The following CCDC18 variants were observed in gnomAD, a reference collection of about 807,000 sequenced individuals.
CCDC18 encodes the protein coiled-coil domain containing 18.
In CCDC18, 157 loss-of-function variants were observed where a neutral mutation model predicts 196.0. That is an observed-to-expected ratio of 0.80 (90% CI 0.70 to 0.91). The LOEUF (loss-of-function observed/expected upper bound fraction) is 0.91, where lower values mean the gene tolerates loss of function less well. CCDC18 is among the 40% of genes least tolerant of loss of function. The pLI is 0.00. For missense variants in CCDC18, 1,465 were observed against 1,611.6 expected, an observed-to-expected ratio of 0.91 and a Z score of 1.56; for synonymous variants, 482 against 529.2, an observed-to-expected ratio of 0.91 and a Z score of 1.22.
chr1:93,254,259 G>A (rs889110505), intron 23 of CCDC18, among the ~76,000 whole-genome samples: 1 of 152,068 alleles, frequency 6.6e-6, no homozygotes, highest in African/African-American at 2.4e-5. Context: ...TGTTGTTGTG[G>A]GGGAATATGA....
chr1:93,219,231 G>T (rs1338620010), intron 14 of CCDC18, among the ~76,000 whole-genome samples: 2 of 152,104 alleles, frequency 1.3e-5, no homozygotes, highest in East Asian at 3.9e-4. Flanking sequence ...GTAGTTTGAG[G>T]TACAACTGCC....
intron 7 of CCDC18, 121 bp from the exon 8 acceptor site, chr1:93,205,389 A>T: frequency 1.2e-6 from 1 of 803,674 alleles, no homozygotes; most frequent in Non-Finnish European, 1.9e-6. Context: ...CTGGGGACTT[A>T]AATGTATGAA....
intron 23 of CCDC18, among the ~76,000 whole-genome samples, chr1:93,248,972 C>CA (rs71586786): frequency 0.03 from 2,835 of 95,562 alleles, 44 homozygotes; most frequent in African/African-American, 0.044. Flanking sequence ...AACCCTGTCT[C>CA]AAAAAAAAAA....
At chr1:93,241,921 A>G (rs1248584035) in intron 21 of CCDC18, among the ~76,000 whole-genome samples, 1 of 151,932 alleles carries the variant, frequency 6.6e-6, no homozygotes, top group Non-Finnish European at 1.5e-5. Context: ...GCAAGTGTAG[A>G]AAAAAAATGA....
rs568263615 is a variant in CCDC18, at chr1:93,247,212, C to T, written c.3198+258C>T. On this transcript the variant is annotated intron_variant, in intron 23 of 28. Transcript: ENST00000690025. ...AAAGCTTTGGGATTACAGGCGTGAG[C>T]GACCACACTCTGTGGATCTTTCACT... Among the ~76,000 whole-genome samples the T allele has an allele frequency of 4.6e-5, 7 of 151,898 alleles. No homozygotes were observed. In the South Asian group the frequency reaches 6.3e-4, roughly 14 times the overall value.
intron 23 of CCDC18, among the ~76,000 whole-genome samples, chr1:93,252,562 A>T (rs1264773540): frequency 6.6e-6 from 1 of 152,162 alleles, no homozygotes; most frequent in African/African-American, 2.4e-5. Flanking sequence ...CTTCCTTAAA[A>T]TACCTATTTT....
At chr1:93,264,565 G>C in intron 26 of CCDC18, 136 bp from the exon 27 acceptor site, 1 of 553,160 alleles carries the variant, frequency 1.8e-6, no homozygotes, top group Non-Finnish European at 3.2e-6. Flanking sequence ...TGAGAAATCA[G>C]ATGTTTGTAA....
At chr1:93,258,972 T>A in intron 26 of CCDC18, 87 bp downstream of exon 26, 1 of 1,079,504 alleles carries the variant, frequency 9.3e-7, no homozygotes, top group Non-Finnish European at 1.3e-6. Flanking sequence ...CTCTTAAGTG[T>A]TCATTATTGA....
chr1:93,235,103 G>A (rs911333330), intron 18 of CCDC18, among the ~76,000 whole-genome samples: 2 of 151,620 alleles, frequency 1.3e-5, no homozygotes, highest in African/African-American at 4.9e-5. Context: ...GGGATTATAG[G>A]TGTGAACCAC....
rs181681522 is a variant in CCDC18, at chr1:93,246,631, T to A, written c.3082-207T>A. The stretch of plus-strand genomic sequence containing the variant: ...TTGTTAAAAAAAATGCATATGGGGC[T>A]CATGAGCCAGTATTAGTAAACAATG... On this transcript the variant is annotated intron_variant, in intron 22 of 28. Coordinates refer to ENST00000690025, the MANE Select transcript of CCDC18 (RefSeq NM_001378204.1). 1.2e-4 allele frequency among the ~76,000 whole-genome samples: 18 copies of A among 152,270 alleles called. No individual in the cohort carries two copies. In the East Asian group the frequency reaches 3.1e-3, roughly 26 times the overall value.
At chr1:93,240,252 C>A (rs1341022676) in intron 21 of CCDC18, among the ~76,000 whole-genome samples, 1 of 152,196 alleles carries the variant, frequency 6.6e-6, no homozygotes, top group African/African-American at 2.4e-5. Context: ...TGATCTCACT[C>A]ATTTCCTTAC....
Position 93,242,580 on chromosome 1 carries a change from A to G in CCDC18, c.2981+2684A>G, listed in dbSNP as rs1660960749. ...TCAAAACAAATTATGCCTTCCCAAC[A>G]GTCTCTCAAAGTCTTAATTCATTTG... On this transcript the variant is annotated intron_variant, in intron 21 of 28. Transcript: ENST00000690025. 1.3e-5 allele frequency among the ~76,000 whole-genome samples: 2 copies of G among 152,222 alleles called. 1 individual carries two copies. Among genetic ancestry groups the G allele is most frequent in the Admixed American group, 1.3e-4 (2 of 15,278 alleles).
In CCDC18 at chr1:93,232,464, C is replaced by T; in HGVS notation, c.2331C>T (p.His777=). The change falls in exon 18 of 29, where the codon CAC becomes CAT. Residue 777 remains histidine (H), a synonymous_variant. Transcript: ENST00000690025. ...AGAAAGAGCTAAAGATAAAAAATCA[C>T]AGTCTTCAAGAGACTTCTGAGCAAA... is the stretch of plus-strand genomic sequence containing the variant. ...CLQKELKIKN[H]SLQETSEQNV... 1 of 1,607,264 alleles carries T rather than the reference C, an allele frequency of 6.2e-7. No homozygotes were observed. Among genetic ancestry groups the T allele is most frequent in the South Asian group, 1.1e-5 (1 of 89,932 alleles).
chr1:93,212,132 C>G lies in CCDC18; in HGVS notation c.1366C>G (p.Gln456Glu). The change falls in exon 11 of 29, where the codon CAA becomes GAA. Residue 456 changes from glutamine to glutamate, a missense_variant. By Grantham distance (29) the Gln-to-Glu change is conservative. Coordinates refer to ENST00000690025, the MANE Select transcript of CCDC18 (RefSeq NM_001378204.1). ...GCTTGCAATAAAAGAGGCAGAAATT[C>G]AAAAGCTTCATGCAAACCTGACTGC... ...IKLAIKEAEI[Q>E]KLHANLTANQ... is the part of the protein sequence containing the mutation. The G allele has an allele frequency of 6.2e-7, 1 of 1,604,466 alleles. No homozygotes were observed. Among genetic ancestry groups the G allele is most frequent in the African/African-American group, 1.3e-5 (1 of 74,494 alleles).
chr1:93,202,703 C>A (rs1654034537), intron 7 of CCDC18, among the ~76,000 whole-genome samples: 1 of 152,264 alleles, frequency 6.6e-6, no homozygotes, highest in South Asian at 2.1e-4. Context: ...ATTTATTAAA[C>A]AATCATGAAA....
chr1:93,231,341 A>G (rs930289873), intron 17 of CCDC18, among the ~76,000 whole-genome samples: 1 of 152,142 alleles, frequency 6.6e-6, no homozygotes, highest in African/African-American at 2.4e-5. Context: ...CCCATTCTCT[A>G]ATACTTCAGT....
intron 23 of CCDC18, among the ~76,000 whole-genome samples, chr1:93,249,327 A>C (rs1046284929): frequency 1.3e-5 from 2 of 151,884 alleles, no homozygotes; most frequent in African/African-American, 4.8e-5. Flanking sequence ...TTTTCATCTC[A>C]TTTTATTTAT....
At chr1:93,183,857 G>A (rs1650172694) in intron 2 of CCDC18, 121 bp from the exon 3 acceptor site, 1 of 543,332 alleles carries the variant, frequency 1.8e-6, no homozygotes, top group South Asian at 5.8e-5. Context: ...ATTGCCTTAT[G>A]TTCATAACTG....
At chr1:93,262,030 G>C (rs1663870590) in intron 26 of CCDC18, among the ~76,000 whole-genome samples, 2 of 152,116 alleles carry the variant, frequency 1.3e-5, no homozygotes, top group South Asian at 4.1e-4. Context: ...GAAAGAGTGT[G>C]TAAATGCCAC....
Sources: gnomAD v4.1 joint callset for allele counts (sites outside exome capture counted in the v4.1 genomes callset) on GRCh38, gnomAD v4.1.1 for gene constraint, MANE v1.5 for transcripts, NCBI Gene and HGNC (gene_info 2026-07-23, HGNC 2026-07-21) for gene names.